TMEFF2: variants seen among roughly 807,000 people sequenced by gnomAD.
The protein encoded by TMEFF2 is tomoregulin-2.
TMEFF2 carries 28 observed loss-of-function variants against 53.8 expected under a neutral mutation model. The observed-to-expected ratio is 0.52, with a 90% CI of 0.39 to 0.71. The LOEUF is 0.71. Among genes scored for constraint, TMEFF2 ranks in the 30% least tolerant of loss-of-function variants. The pLI, the probability that TMEFF2 is intolerant of heterozygous loss-of-function variation, is 0.00. For synonymous variants in TMEFF2, 162 were observed against 166.3 expected (o/e 0.97, Z 0.20); for missense variants, 353 against 455.2 (o/e 0.78, Z 2.04).
chr2:192,078,393 G>A (rs372360764), intron 4 of TMEFF2, among the ~76,000 whole-genome samples: 24 of 152,258 alleles, frequency 1.6e-4, no homozygotes, highest in African/African-American at 5.5e-4. Flanking sequence ...TTTCTTCACT[G>A]AATTAACTCC....
At position 191,999,133 on chromosome 2, in the gene TMEFF2, A is replaced by G; in HGVS notation, c.612T>C (p.Asn204=). The change falls in exon 6 of 10, where the codon AAT becomes AAC. Residue 204 remains asparagine, a synonymous_variant. Transcript: ENST00000272771. ...LCASDGKSYD[N]ACQIKEASCQ... ...ACGATGCTTCTTTGATTTGGCATGC[A>G]TTATCATAAGATTTCCCATCAGAAG... The G allele has an allele frequency of 3.7e-6, 6 of 1,612,658 alleles. No homozygotes were observed. Among genetic ancestry groups the G allele is most frequent in the Non-Finnish European group, 5.1e-6 (6 of 1,178,952 alleles).
At chr2:192,147,043 T>C (rs1690268780) in intron 4 of TMEFF2, among the ~76,000 whole-genome samples, 1 of 152,128 alleles carries the variant, frequency 6.6e-6, no homozygotes, top group Non-Finnish European at 1.5e-5. Context: ...TATAAATAGA[T>C]GACAACTGCA....
At chr2:192,067,297 G>A (rs115441215) in intron 4 of TMEFF2, among the ~76,000 whole-genome samples, 1 of 151,800 alleles carries the variant, frequency 6.6e-6, no homozygotes, top group Non-Finnish European at 1.5e-5. Flanking sequence ...GAGGGGTAGT[G>A]GTTGGTCTTA....
At chr2:191,960,700 G>A (rs1379090325) in intron 7 of TMEFF2, among the ~76,000 whole-genome samples, 8 of 152,098 alleles carry the variant, frequency 5.3e-5, no homozygotes, top group Admixed American at 2.6e-4. Flanking sequence ...CTGTGTAAGC[G>A]TTTCTGAGAA....
intron 4 of TMEFF2, among the ~76,000 whole-genome samples, chr2:192,061,350 T>G (rs1688038838): frequency 6.6e-6 from 1 of 151,550 alleles, no homozygotes; most frequent in East Asian, 1.9e-4. Context: ...AATCAAAATA[T>G]TCAGAAAAAA....
chr2:192,047,337 A>G (rs970206024), intron 5 of TMEFF2, among the ~76,000 whole-genome samples: 2 of 152,186 alleles, frequency 1.3e-5, no homozygotes, highest in African/African-American at 4.8e-5. Flanking sequence ...CTTCTCCCAG[A>G]TAAACATCTC....
chr2:191,986,578 G>A (rs966539386), intron 7 of TMEFF2, among the ~76,000 whole-genome samples: 6 of 149,740 alleles, frequency 4.0e-5, no homozygotes, highest in African/African-American at 1.5e-4. Context: ...TTTTAAGTGG[G>A]GCCGAGTGTG....
At chr2:191,993,954 CTTATTTT>C (rs532157266) in intron 7 of TMEFF2, among the ~76,000 whole-genome samples, 16 of 152,130 alleles carry the variant, frequency 1.1e-4, no homozygotes, top group African/African-American at 3.1e-4. Context: ...TGTCTCTGAA[CTTATTTT>C]TTATTTTTTA....
intron 5 of TMEFF2, among the ~76,000 whole-genome samples, chr2:192,046,690 C>T (rs1390894131): frequency 6.6e-6 from 1 of 152,080 alleles, no homozygotes; most frequent in Non-Finnish European, 1.5e-5. Context: ...TTTCTTTCTT[C>T]CCCCCAAGTC....
At position 192,146,628 on chromosome 2, in the gene TMEFF2, T is replaced by C. The variant is rs1004503415; in HGVS notation, c.439+33040A>G. On this transcript the variant is annotated intron_variant, in intron 4 of 9. Transcript: ENST00000272771. Reference sequence around the variant, plus strand: ...AATTTGTAAGCTTTATAGAGGCCCATAGAAACAGCCTATAGTGTGTGTGTA... The same window carrying C: ...AATTTGTAAGCTTTATAGAGGCCCACAGAAACAGCCTATAGTGTGTGTGTA... 3.9e-5 allele frequency among the ~76,000 whole-genome samples: 6 copies of C among 152,164 alleles called. No individual in the cohort carries two copies. The East Asian group carries it at 9.7e-4, about 25-fold the overall frequency.
chr2:192,065,835 TAAA>T (rs1282577135), intron 4 of TMEFF2, among the ~76,000 whole-genome samples: 1 of 151,684 alleles, frequency 6.6e-6, no homozygotes, highest in Non-Finnish European at 1.5e-5. Context: ...CTTAGAAAAA[TAAA>T]AAGAAAATTT....
intron 7 of TMEFF2, among the ~76,000 whole-genome samples, chr2:191,979,607 T>C (rs1245034893): frequency 2.0e-5 from 3 of 152,180 alleles, no homozygotes; most frequent in Non-Finnish European, 2.9e-5. Context: ...CTATATGACA[T>C]TTTCAAATGC....
At chr2:192,046,077 G>A (rs969139479) in intron 5 of TMEFF2, among the ~76,000 whole-genome samples, 3 of 152,106 alleles carry the variant, frequency 2.0e-5, no homozygotes, top group Non-Finnish European at 4.4e-5. Context: ...GCTTGATAGA[G>A]TGGTGGAATG....
In TMEFF2 at chr2:191,965,109, A is replaced by G. The variant is rs75694880; in HGVS notation, c.746-8731T>C. Among the ~76,000 whole-genome samples the G allele has an allele frequency of 2.5e-3, 375 of 152,274 alleles. 3 individuals are homozygous for G. Among genetic ancestry groups the G allele is most frequent in the African/African-American group, 8.2e-3 (340 of 41,582 alleles). On this transcript the variant is annotated intron_variant, in intron 7 of 9. Transcript: ENST00000272771. ...TGTCATTTTACTGCCTCTGACTTCC[A>G]AATATTGATTAGTCAGCCCAGATCA...
At chr2:192,038,810 T>C (rs1376485525) in intron 5 of TMEFF2, among the ~76,000 whole-genome samples, 7 of 152,194 alleles carry the variant, frequency 4.6e-5, no homozygotes, top group African/African-American at 1.7e-4. Context: ...CTTAAGATAC[T>C]TGTTGTACCC....
At chr2:192,036,963 G>GC (rs761347406) in intron 5 of TMEFF2, 39 of 152,190 alleles carry the variant, frequency 2.6e-4, no homozygotes, top group Non-Finnish European at 5.3e-4. Flanking sequence ...CTGCTTGCTT[G>GC]TTTGTTCATT....
At chr2:191,996,953 A>G (rs868186999) in intron 7 of TMEFF2, among the ~76,000 whole-genome samples, 1 of 151,928 alleles carries the variant, frequency 6.6e-6, no homozygotes, top group Non-Finnish European at 1.5e-5. Context: ...TTTTACCTTT[A>G]TTTGAAATTC....
intron 4 of TMEFF2, among the ~76,000 whole-genome samples, chr2:192,064,111 A>T (rs894280904): frequency 5.9e-5 from 9 of 151,636 alleles, no homozygotes; most frequent in Admixed American, 1.3e-4. Flanking sequence ...TCTGTTTCCA[A>T]TTCTTTTTTG....
chr2:192,061,920 A>G (rs1472451086), intron 4 of TMEFF2, among the ~76,000 whole-genome samples: 1 of 152,116 alleles, frequency 6.6e-6, no homozygotes, highest in Non-Finnish European at 1.5e-5. Context: ...CCATGAGTAA[A>G]AAGCTCCCTG....
Sources: gnomAD v4.1 joint callset for allele counts (sites outside exome capture counted in the v4.1 genomes callset) on GRCh38, gnomAD v4.1.1 for gene constraint, MANE v1.5 for transcripts, NCBI Gene and HGNC (gene_info 2026-07-23, HGNC 2026-07-21) for gene names.